DOK6: variants seen among roughly 807,000 people sequenced by gnomAD.
DOK6 encodes docking protein 6, also known as downstream of tyrosine kinase 6.
In DOK6, 22 loss-of-function variants were observed where a neutral mutation model predicts 44.0. The ratio of observed to expected loss-of-function variants is 0.50; its 90% confidence interval spans 0.36 to 0.71. The LOEUF is 0.71. Among genes scored for constraint, DOK6 ranks in the 30% least tolerant of loss-of-function variants. The pLI, the probability that DOK6 is intolerant of heterozygous loss-of-function variation, is 0.00. For synonymous variants in DOK6, 166 were observed against 145.5 expected (o/e 1.14, Z -1.01); for missense variants, 340 against 416.4 (o/e 0.82, Z 1.60).
chr18:69,595,570 C>T (rs929667720), intron 2 of DOK6, among the ~76,000 whole-genome samples: 1 of 152,128 alleles, frequency 6.6e-6, no homozygotes, highest in Non-Finnish European at 1.5e-5. Context: ...TCAATAATTT[C>T]ATCGTTCTTC....
At chr18:69,545,516 C>CAAA (rs397760145) in intron 1 of DOK6, among the ~76,000 whole-genome samples, 3 of 69,570 alleles carry the variant, frequency 4.3e-5, no homozygotes, top group African/African-American at 1.1e-4. Flanking sequence ...AGTGAAATAC[C>CAAA]AAAAAAAAAA....
At chr18:69,745,618 G>A (rs1257847139) in intron 6 of DOK6, among the ~76,000 whole-genome samples, 2 of 150,536 alleles carry the variant, frequency 1.3e-5, no homozygotes, top group African/African-American at 4.9e-5. Context: ...GATTGTAGAA[G>A]AAACACAGTA....
intron 1 of DOK6, among the ~76,000 whole-genome samples, chr18:69,434,946 GGGAGGGAGGGAAGGAA>G (rs1978911542): frequency 2.4e-5 from 3 of 123,708 alleles, no homozygotes; most frequent in Non-Finnish European, 5.4e-5. Flanking sequence ...GAGGGAGGGA[GGGAGGGAGGGAAGGAA>G]GGAAGGAAGG....
chr18:69,465,343 A>G (rs1173885650), intron 1 of DOK6, among the ~76,000 whole-genome samples: 3 of 152,088 alleles, frequency 2.0e-5, no homozygotes, highest in African/African-American at 7.2e-5. Context: ...TTTAGGGTAC[A>G]TGTGCACAAT....
chr18:69,627,680 AC>A (rs1351277917), intron 3 of DOK6, among the ~76,000 whole-genome samples: 2 of 151,934 alleles, frequency 1.3e-5, no homozygotes, highest in Non-Finnish European at 2.9e-5. Context: ...CGATCTCCTG[AC>A]CTTGTGATCC....
chr18:69,754,351 C>CA (rs34141961), intron 6 of DOK6, among the ~76,000 whole-genome samples: 27,948 of 121,362 alleles, frequency 0.23, 3,370 homozygotes, highest in African/African-American at 0.29. Flanking sequence ...ACCCTATCTC[C>CA]AAAAAAAAAA....
chr18:69,667,632 T>G, intron 3 of DOK6, among the ~76,000 whole-genome samples: 1 of 152,220 alleles, frequency 6.6e-6, no homozygotes. Context: ...TCAGCTACTC[T>G]CTCCTCCTTG....
intron 5 of DOK6, among the ~76,000 whole-genome samples, chr18:69,702,277 C>T (rs909284309): frequency 2.0e-5 from 3 of 151,722 alleles, no homozygotes; most frequent in Non-Finnish European, 2.9e-5. Context: ...GTTTTTTATG[C>T]TTGTTGGTGC....
chr18:69,537,167 G>T (rs1982147406), intron 1 of DOK6, among the ~76,000 whole-genome samples: 1 of 151,934 alleles, frequency 6.6e-6, no homozygotes, highest in Non-Finnish European at 1.5e-5. Context: ...ATTCAAGTAA[G>T]ACATAAAATT....
At chr18:69,461,505 G>A (rs1240247936) in intron 1 of DOK6, among the ~76,000 whole-genome samples, 2 of 152,090 alleles carry the variant, frequency 1.3e-5, no homozygotes, top group East Asian at 1.9e-4. Flanking sequence ...TTACGGTGGA[G>A]CACATATCCC....
chr18:69,773,575 T>TA (rs1342957148), intron 7 of DOK6, among the ~76,000 whole-genome samples: 1 of 151,966 alleles, frequency 6.6e-6, no homozygotes, highest in African/African-American at 2.4e-5. Flanking sequence ...CTAAGTAAAA[T>TA]ATGCCATTCA....
At chr18:69,801,756 C>G (rs1980911613) in intron 7 of DOK6, among the ~76,000 whole-genome samples, 1 of 152,224 alleles carries the variant, frequency 6.6e-6, no homozygotes, top group African/African-American at 2.4e-5. Flanking sequence ...ACTGTTCTTT[C>G]TCTCAGATTA....
intron 2 of DOK6, among the ~76,000 whole-genome samples, chr18:69,591,054 G>T (rs1047382133): frequency 3.3e-5 from 5 of 152,122 alleles, no homozygotes; most frequent in African/African-American, 1.2e-4. Flanking sequence ...CATCAAGGCC[G>T]TGGCTCCAAA....
intron 7 of DOK6, among the ~76,000 whole-genome samples, chr18:69,780,577 C>G (rs2145088943): frequency 6.6e-6 from 1 of 152,256 alleles, no homozygotes; most frequent in South Asian, 2.1e-4. Context: ...GGGCAACAGA[C>G]CAAGACTCCG....
chr18:69,835,882 T>C (rs1982040555), intron 7 of DOK6, among the ~76,000 whole-genome samples: 2 of 152,234 alleles, frequency 1.3e-5, no homozygotes, highest in South Asian at 4.1e-4. Context: ...CCAGGCCCAT[T>C]GTCTTTTACC....
intron 7 of DOK6, among the ~76,000 whole-genome samples, chr18:69,770,329 G>T (rs1434413183): frequency 6.6e-6 from 1 of 152,090 alleles, no homozygotes; most frequent in Non-Finnish European, 1.5e-5. Context: ...TAGCTAGATT[G>T]TCACTTGGAT....
At chr18:69,620,222 C>T (rs1010045571) in intron 3 of DOK6, among the ~76,000 whole-genome samples, 1 of 152,056 alleles carries the variant, frequency 6.6e-6, no homozygotes, top group African/African-American at 2.4e-5. Flanking sequence ...AATTGCTTTG[C>T]ATTTTCTGAA....
chr18:69,839,189 CG>C (rs1363194434), intron 7 of DOK6, among the ~76,000 whole-genome samples: 1 of 150,252 alleles, frequency 6.7e-6, no homozygotes, highest in Middle Eastern at 3.5e-3. Flanking sequence ...AGCTTCTCCC[CG>C]AGCCTCATCT....
intron 7 of DOK6, among the ~76,000 whole-genome samples, chr18:69,817,792 T>A (rs983600904): frequency 1.3e-5 from 2 of 152,068 alleles, no homozygotes; most frequent in Non-Finnish European, 2.9e-5. Flanking sequence ...CGGAGTGTAG[T>A]CCAAGATGCC....
Sources: allele counts gnomAD v4.1 joint callset (sites outside exome capture counted in the v4.1 genomes callset), GRCh38; gene constraint gnomAD v4.1.1; transcripts MANE v1.5; gene names NCBI Gene and HGNC (gene_info 2026-07-23, HGNC 2026-07-21).